FAR2: variants seen among roughly 807,000 people sequenced by gnomAD.
The protein encoded by FAR2 is epididymis secretory protein Li 81.
FAR2 carries 19 observed loss-of-function variants against 56.0 expected under a neutral mutation model. That is an observed-to-expected ratio of 0.34 (90% CI 0.24 to 0.50). The LOEUF is 0.50. Ranked by LOEUF, FAR2 falls within the 20% of genes least tolerant of loss-of-function variation. The pLI is 0.98. For synonymous variants in FAR2, 219 were observed against 218.8 expected (o/e 1.00, Z -0.01); for missense variants, 508 against 642.2 (o/e 0.79, Z 2.26).
intron 1 of FAR2, among the ~76,000 whole-genome samples, chr12:29,256,737 G>T (rs1177588856): frequency 2.0e-5 from 3 of 152,178 alleles, no homozygotes; most frequent in African/African-American, 7.2e-5. Context: ...TGCACTCGGA[G>T]CACTCGGCCG....
chr12:29,254,966 AG>A (rs1334313211), intron 1 of FAR2, among the ~76,000 whole-genome samples: 10 of 151,236 alleles, frequency 6.6e-5, no homozygotes, highest in African/African-American at 2.2e-4. Context: ...AAAAAAAAAA[AG>A]TTTACTCCAG....
At chr12:29,208,180 T>C (rs868301025) in intron 1 of FAR2, among the ~76,000 whole-genome samples, 2 of 152,266 alleles carry the variant, frequency 1.3e-5, no homozygotes, top group Non-Finnish European at 1.5e-5. Flanking sequence ...GATTGCAGCA[T>C]CTCTGCAGAA....
chr12:29,268,720 G>A (rs946435641), intron 1 of FAR2, among the ~76,000 whole-genome samples: 9 of 152,278 alleles, frequency 5.9e-5, no homozygotes, highest in South Asian at 2.1e-4. Flanking sequence ...AACCTGCCCC[G>A]TAGGTTCTTT....
At chr12:29,314,491 T>C (rs1224880281) in intron 8 of FAR2, among the ~76,000 whole-genome samples, 1 of 151,628 alleles carries the variant, frequency 6.6e-6, no homozygotes, top group East Asian at 1.9e-4. Context: ...AGGGAGCTCT[T>C]GGGAGGATTT....
Position 29,285,204 on chromosome 12 carries a change from T to TGCTTGCCCCAG in FAR2, c.190-8092_190-8091insGCCCCAGGCTT, listed in dbSNP as rs111377746. 2.6e-5 allele frequency among the ~76,000 whole-genome samples: 4 copies of TGCTTGCCCCAG among 151,668 alleles called. No individual in the cohort carries two copies. In the South Asian group the frequency reaches 8.3e-4, roughly 31 times the overall value. On this transcript the variant is annotated intron_variant, in intron 2 of 11. Transcript: ENST00000536681. ...TTGTAGGGAAAAAAAAGTGTGTTCA[T>TGCTTGCCCCAG]GCTTCGCTGTATAAAAGCTGCTTGT... is the stretch of plus-strand genomic sequence containing the variant.
At chr12:29,315,949 G>A (rs746187732) in intron 8 of FAR2, among the ~76,000 whole-genome samples, 1 of 150,238 alleles carries the variant, frequency 6.7e-6, no homozygotes, top group African/African-American at 2.5e-5. Flanking sequence ...AATCTCTTAC[G>A]CTATCAGAAC....
At chr12:29,219,764 C>A (rs1273898233) in intron 1 of FAR2, among the ~76,000 whole-genome samples, 1 of 152,138 alleles carries the variant, frequency 6.6e-6, no homozygotes, top group Non-Finnish European at 1.5e-5. Flanking sequence ...CTTTCATTTC[C>A]AGAAGACCCC....
intron 1 of FAR2, among the ~76,000 whole-genome samples, chr12:29,266,726 C>T (rs908843919): frequency 1.2e-4 from 19 of 152,102 alleles, no homozygotes; most frequent in African/African-American, 4.3e-4. Flanking sequence ...GATTATTACA[C>T]ATTGCATGCC....
chr12:29,231,223 A>G (rs1372520513), intron 1 of FAR2, among the ~76,000 whole-genome samples: 4 of 152,180 alleles, frequency 2.6e-5, no homozygotes. Context: ...CAGACAAGAC[A>G]CTGTGGTGGC....
chr12:29,258,805 T>TG (rs1948370745), intron 1 of FAR2, among the ~76,000 whole-genome samples: 1 of 152,202 alleles, frequency 6.6e-6, no homozygotes, highest in South Asian at 2.1e-4. Context: ...ATAATAGATT[T>TG]GGTTGAATGA....
chr12:29,258,635 A>C (rs1440556845), intron 1 of FAR2, among the ~76,000 whole-genome samples: 8 of 152,224 alleles, frequency 5.3e-5, no homozygotes, highest in Non-Finnish European at 1.5e-5. Flanking sequence ...CTCAACACAC[A>C]GTATTTTCTT....
chr12:29,309,686 C>G (rs1024381984), intron 6 of FAR2: 1 of 152,560 alleles, frequency 6.6e-6, no homozygotes, highest in East Asian at 1.9e-4. Context: ...TTAATGAATA[C>G]AAGAAAGAGA....
intron 2 of FAR2, among the ~76,000 whole-genome samples, chr12:29,275,101 G>T (rs1305261607): frequency 6.6e-6 from 1 of 150,634 alleles, no homozygotes; most frequent in African/African-American, 2.4e-5. Context: ...CACCAAACAG[G>T]CTTTGTGTGA....
At chr12:29,157,066 T>C (rs1036177609) in intron 1 of FAR2, 1 of 144,498 alleles carries the variant, frequency 6.9e-6, no homozygotes, top group African/African-American at 2.6e-5. Flanking sequence ...ATAGACATTT[T>C]CCCACTTTAA....
intron 4 of FAR2, among the ~76,000 whole-genome samples, chr12:29,305,433 T>A (rs1170981750): frequency 1.3e-5 from 2 of 152,154 alleles, no homozygotes; most frequent in African/African-American, 4.8e-5. Flanking sequence ...TCACCGCACT[T>A]GGCCAGAAAT....
chr12:29,191,888 A>G (rs544348347), intron 1 of FAR2, among the ~76,000 whole-genome samples: 10 of 152,346 alleles, frequency 6.6e-5, no homozygotes, highest in South Asian at 2.1e-4. Context: ...ATCAGAGCTC[A>G]CTTCTTCAAA....
At chr12:29,152,659 G>GT (rs1949690803) in intron 1 of FAR2, among the ~76,000 whole-genome samples, 1 of 152,210 alleles carries the variant, frequency 6.6e-6, no homozygotes, top group Admixed American at 6.5e-5. Flanking sequence ...AGGATACAAA[G>GT]TAACAGTTCC....
rs144553899 is a variant in FAR2 at position 29,307,682 on chromosome 12, C to T, written c.570C>T (p.Asp190=). The change falls in exon 5 of 12, where the codon GAC becomes GAT. Residue 190 remains aspartate (D), a synonymous_variant. Coordinates refer to ENST00000536681, the MANE Select transcript of FAR2 (RefSeq NM_001271783.2). ...SLEWLDDAII[D]EITPKLIRDW... is the part of the protein sequence containing the mutation. ...GGTGGTTAGACGATGCTATTATTGA[C>T]GAGATTACACCCAAGCTGATCAGAG... 36 of 1,611,582 alleles carry T rather than the reference C, an allele frequency of 2.2e-5. No homozygotes were observed. Among genetic ancestry groups the T allele is most frequent in the Non-Finnish European group, 2.5e-5 (30 of 1,179,090 alleles).
intron 2 of FAR2, among the ~76,000 whole-genome samples, chr12:29,286,058 CACACAG>C (rs1034498158): frequency 6.8e-3 from 135 of 19,988 alleles, no homozygotes; most frequent in African/African-American, 0.022. Flanking sequence ...ACCCAACACA[CACACAG>C]ACACACACAC....
Sources: gnomAD v4.1 joint callset for allele counts (sites outside exome capture counted in the v4.1 genomes callset) on GRCh38, gnomAD v4.1.1 for gene constraint, MANE v1.5 for transcripts, NCBI Gene and HGNC (gene_info 2026-07-23, HGNC 2026-07-21) for gene names.